COP1: variants seen among roughly 807,000 people sequenced by gnomAD.
COP1 encodes the protein E3 ubiquitin-protein ligase COP1.
A neutral mutation model predicts 101.3 loss-of-function variants in COP1; 24 were observed. The ratio of observed to expected loss-of-function variants is 0.24; its 90% confidence interval spans 0.17 to 0.33. The LOEUF is 0.33. Among genes scored for constraint, COP1 ranks in the 10% least tolerant of loss-of-function variants. The pLI is 1.00. For synonymous variants in COP1, 347 were observed against 341.9 expected, an observed-to-expected ratio of 1.01 and a Z score of -0.17; for missense variants, 663 against 906.2, an observed-to-expected ratio of 0.73 and a Z score of 3.45.
At chr1:176,118,789 C>T (rs1014350657) in intron 8 of COP1, among the ~76,000 whole-genome samples, 15 of 152,048 alleles carry the variant, frequency 9.9e-5, no homozygotes, top group African/African-American at 3.6e-4. Flanking sequence ...AAAACAAAAA[C>T]AAAATAGCCA....
intron 18 of COP1, among the ~76,000 whole-genome samples, chr1:175,967,302 G>A (rs934803034): frequency 5.3e-5 from 8 of 151,974 alleles, no homozygotes; most frequent in East Asian, 1.9e-4. Flanking sequence ...GTGAGCCACC[G>A]CGCCGTTGAA....
chr1:176,104,982 G>A (rs1684068644), intron 9 of COP1, among the ~76,000 whole-genome samples: 1 of 152,096 alleles, frequency 6.6e-6, no homozygotes, highest in South Asian at 2.1e-4. Context: ...GGACTTCTAT[G>A]AACTTCCATA....
At chr1:175,999,485 C>A (rs1486555983) in intron 15 of COP1, among the ~76,000 whole-genome samples, 1 of 151,858 alleles carries the variant, frequency 6.6e-6, no homozygotes, top group Non-Finnish European at 1.5e-5. Context: ...TGTATATGTA[C>A]CACATTTCCC....
At chr1:176,096,387 C>T (rs1158520965) in intron 9 of COP1, among the ~76,000 whole-genome samples, 1 of 152,218 alleles carries the variant, frequency 6.6e-6, no homozygotes, top group African/African-American at 2.4e-5. Context: ...GGCAGCTCCC[C>T]ACTCCCCTTA....
At chr1:176,006,156 G>C (rs1330505505) in intron 15 of COP1, among the ~76,000 whole-genome samples, 1 of 151,996 alleles carries the variant, frequency 6.6e-6, no homozygotes, top group Non-Finnish European at 1.5e-5. Flanking sequence ...TTTTATCAGA[G>C]ACTAGGATTG....
chr1:175,965,720 C>T lies in COP1; in HGVS notation c.2134-18481G>A, dbSNP rs562175762. On this transcript the variant is annotated intron_variant, in intron 18 of 19. Coordinates refer to ENST00000367669, the MANE Select transcript of COP1 (RefSeq NM_022457.7). Reference sequence around the variant, plus strand: ...CCTCCTGCTTCAGCCTCCTGAGTAGCTGGGATTACATGTGCGTGCCACCAA... The same window carrying T: ...CCTCCTGCTTCAGCCTCCTGAGTAGTTGGGATTACATGTGCGTGCCACCAA... 5.3e-5 allele frequency among the ~76,000 whole-genome samples: 8 copies of T among 152,246 alleles called. No individual in the cohort carries two copies. The South Asian group carries it at 1.5e-3, about 28-fold the overall frequency.
intron 11 of COP1, among the ~76,000 whole-genome samples, chr1:176,077,956 C>G (rs1439391020): frequency 6.6e-6 from 1 of 151,952 alleles, no homozygotes; most frequent in Non-Finnish European, 1.5e-5. Flanking sequence ...TGAAAAATCT[C>G]TACAATGAGA....
At chr1:176,101,806 C>T (rs1025601533) in intron 9 of COP1, among the ~76,000 whole-genome samples, 47 of 152,128 alleles carry the variant, frequency 3.1e-4, no homozygotes, top group African/African-American at 1.1e-3. Context: ...AGATGATGGC[C>T]CCTTTTGATG....
At chr1:176,170,981 C>T (rs1289109676) in intron 3 of COP1, among the ~76,000 whole-genome samples, 7 of 151,666 alleles carry the variant, frequency 4.6e-5, no homozygotes, top group East Asian at 1.9e-4. Flanking sequence ...AAAAATTAGC[C>T]GGGCTTGGTG....
At chr1:176,042,440 G>A (rs1316619538) in intron 14 of COP1, among the ~76,000 whole-genome samples, 2 of 142,646 alleles carry the variant, frequency 1.4e-5, no homozygotes, top group African/African-American at 5.2e-5. Flanking sequence ...GTGGGTGGCT[G>A]TAATCCCAGC....
chr1:176,181,647 C>G (rs1230205734), intron 2 of COP1, among the ~76,000 whole-genome samples: 1 of 151,970 alleles, frequency 6.6e-6, no homozygotes, highest in Non-Finnish European at 1.5e-5. Context: ...TCGAGACCAT[C>G]CTGGCTAACA....
chr1:175,976,267 A>ATTTTTTTTTTTTTT (rs1225101059), intron 18 of COP1, among the ~76,000 whole-genome samples: 2 of 41,756 alleles, frequency 4.8e-5, no homozygotes, highest in Non-Finnish European at 6.1e-5. Context: ...TCAATTAGTC[A>ATTTTTTTTTTTTTT]TTCTTTTTTT....
intron 15 of COP1, among the ~76,000 whole-genome samples, chr1:176,003,796 CTTTGTTCT>C (rs1164624305): frequency 1.3e-5 from 2 of 151,096 alleles, no homozygotes; most frequent in African/African-American, 4.8e-5. Context: ...ATGCCTCCAG[CTTTGTTCT>C]TTTGGCTTAG....
chr1:176,027,314 C>A (rs1667843857), intron 15 of COP1, among the ~76,000 whole-genome samples: 1 of 152,048 alleles, frequency 6.6e-6, no homozygotes, highest in Non-Finnish European at 1.5e-5. Context: ...AGCATTAATT[C>A]ATGCATATAA....
intron 18 of COP1, among the ~76,000 whole-genome samples, chr1:175,972,786 G>C (rs900338067): frequency 6.6e-6 from 1 of 151,848 alleles, no homozygotes. Flanking sequence ...AGAATTTCTA[G>C]CCTCAGGAAG....
intron 5 of COP1, chr1:176,160,314 G>A (rs1694129931): frequency 3.0e-6 from 1 of 337,372 alleles, no homozygotes; most frequent in Non-Finnish European, 5.6e-6. Context: ...AGTGCAGAAT[G>A]TGTAGGTTTG....
intron 9 of COP1, among the ~76,000 whole-genome samples, chr1:176,086,768 C>G (rs1680253431): frequency 6.6e-6 from 1 of 152,102 alleles, no homozygotes; most frequent in African/African-American, 2.4e-5. Context: ...CTTTAAAGTT[C>G]ATATGGAACC....
intron 6 of COP1, among the ~76,000 whole-genome samples, chr1:176,144,836 C>G (rs1476936807): frequency 6.6e-6 from 1 of 152,070 alleles, no homozygotes; most frequent in Non-Finnish European, 1.5e-5. Flanking sequence ...GAAAATATCT[C>G]TATACCTCAC....
In COP1 at chr1:176,043,700, C is replaced by G; in HGVS notation, c.1530+10G>C. The G allele has an allele frequency of 7.1e-7, 1 of 1,414,888 alleles. No individual in the cohort carries two copies. The highest frequency in any genetic ancestry group is 1.0e-6 in the Non-Finnish European group (1 of 1,000,786). The allele number at this position is 1,414,888 out of a possible 1,614,324, so 87.6% of individuals were successfully genotyped here. A position where few individuals can be genotyped will look rare whatever the true frequency, so the allele number is the denominator to read the frequency against. On this transcript the variant is annotated intron_variant, in intron 13 of 19. Transcript: ENST00000367669. ...GATTCATATAACATGTAACTAGTAC[C>G]CTTATTTACCTGATAGACCTTTGAC...
Sources: allele counts gnomAD v4.1 joint callset (sites outside exome capture counted in the v4.1 genomes callset), GRCh38; gene constraint gnomAD v4.1.1; transcripts MANE v1.5; gene names NCBI Gene and HGNC (gene_info 2026-07-23, HGNC 2026-07-21).